IGFBP7: variants seen among roughly 807,000 people sequenced by gnomAD.
IGFBP7 encodes the protein insulin like growth factor binding protein 7.
In IGFBP7, 31 loss-of-function variants were observed where a neutral mutation model predicts 29.4. The observed-to-expected ratio is 1.05, with a 90% CI of 0.79 to 1.42. The LOEUF (loss-of-function observed/expected upper bound fraction) is 1.42. IGFBP7 is among the 40% of genes most tolerant of loss of function. The pLI is 0.00. For synonymous variants in IGFBP7, 172 were observed against 174.9 expected (o/e 0.98, Z 0.13); for missense variants, 393 against 395.5 (o/e 0.99, Z 0.05).
intron 1 of IGFBP7, among the ~76,000 whole-genome samples, chr4:57,089,704 A>G (rs1461290358): frequency 6.6e-6 from 1 of 152,166 alleles, no homozygotes; most frequent in Non-Finnish European, 1.5e-5. Flanking sequence ...ACTCAGCCCC[A>G]GTGTCCACCA....
chr4:57,074,297 G>A (rs370997639), intron 1 of IGFBP7, among the ~76,000 whole-genome samples: 15 of 152,328 alleles, frequency 9.8e-5, no homozygotes, highest in African/African-American at 3.6e-4. Context: ...CTGGCCTCAA[G>A]TGATCTGCTT....
chr4:57,031,101 G>A lies in IGFBP7; in HGVS notation c.*216C>T. On this transcript the variant is annotated 3_prime_UTR_variant, in exon 5 of 5. Transcript: ENST00000295666. Reference sequence around the variant, plus strand: ...TGTTGTGATAAAAAGTATTTTATTTGTTTAATGATATGCATGCTTTTCTTC... The same window carrying A: ...TGTTGTGATAAAAAGTATTTTATTTATTTAATGATATGCATGCTTTTCTTC... 2 of 762,438 alleles carry A rather than the reference G, an allele frequency of 2.6e-6. No individual in the cohort carries two copies. The highest frequency in any genetic ancestry group is 4.9e-5 in the Admixed American group (2 of 41,014). The allele number at this position is 762,438 out of a possible 1,614,324, so 47.2% of individuals were successfully genotyped here.
At chr4:57,083,316 G>T (rs1189618818) in intron 1 of IGFBP7, among the ~76,000 whole-genome samples, 1 of 152,228 alleles carries the variant, frequency 6.6e-6, no homozygotes, top group African/African-American at 2.4e-5. Context: ...AGCAGTGGGA[G>T]TGAGAAATTT....
intron 1 of IGFBP7, among the ~76,000 whole-genome samples, chr4:57,098,330 G>A (rs9992230): frequency 0.98 from 149,534 of 152,280 alleles, 73,471 homozygotes; most frequent in East Asian, 1. Flanking sequence ...TCAGACAAGA[G>A]AAAGGGGCAG....
chr4:57,059,460 T>G (rs1724745667), intron 1 of IGFBP7, among the ~76,000 whole-genome samples: 1 of 151,636 alleles, frequency 6.6e-6, no homozygotes. Flanking sequence ...ACGGAGGGAG[T>G]TGGAGGCCAT....
intron 1 of IGFBP7, among the ~76,000 whole-genome samples, chr4:57,070,219 T>C (rs1299277434): frequency 1.3e-5 from 2 of 152,200 alleles, no homozygotes; most frequent in Non-Finnish European, 2.9e-5. Flanking sequence ...ACCATATTTT[T>C]CCCTCAAAAT....
chr4:57,042,029 T>C (rs1724238030), intron 1 of IGFBP7, among the ~76,000 whole-genome samples: 1 of 152,160 alleles, frequency 6.6e-6, no homozygotes, highest in Non-Finnish European at 1.5e-5. Flanking sequence ...GCAGGAGGCA[T>C]TGGCAAGTGG....
intron 1 of IGFBP7, among the ~76,000 whole-genome samples, chr4:57,063,998 G>A (rs1724858371): frequency 6.6e-6 from 1 of 152,192 alleles, no homozygotes; most frequent in African/African-American, 2.4e-5. Flanking sequence ...GAGGTTAAGT[G>A]GTCAGATTTT....
intron 1 of IGFBP7, among the ~76,000 whole-genome samples, chr4:57,085,425 A>G (rs545553488): frequency 6.6e-6 from 1 of 152,014 alleles, no homozygotes; most frequent in South Asian, 2.1e-4. Context: ...GGGATTCTCT[A>G]TTGTTCTTAT....
At chr4:57,041,515 A>G (rs964314102) in intron 1 of IGFBP7, among the ~76,000 whole-genome samples, 4 of 151,958 alleles carry the variant, frequency 2.6e-5, no homozygotes, top group Non-Finnish European at 4.4e-5. Context: ...ATTGGAAGGG[A>G]CATCTTTATT....
chr4:57,030,850 G>A lies in IGFBP7; in HGVS notation c.*467C>T. The A allele has an allele frequency of 9.8e-7, 1 of 1,022,790 alleles. No homozygotes were observed. The highest frequency in any genetic ancestry group is 1.6e-6 in the Non-Finnish European group (1 of 641,398). The allele number at this position is 1,022,790 out of a possible 1,614,324, so 63.4% of individuals were successfully genotyped here. On this transcript the variant is annotated 3_prime_UTR_variant, in exon 5 of 5. Transcript: ENST00000295666. ...GTCTTTTTCTGGGGTAGAGAAGTGG[G>A]GTCACTTCAATACAATTCTGCTAAT...
chr4:57,100,219 C>T (rs1045523941), intron 1 of IGFBP7, among the ~76,000 whole-genome samples: 2 of 151,850 alleles, frequency 1.3e-5, no homozygotes, highest in African/African-American at 2.4e-5. Flanking sequence ...ACAGGTGCTT[C>T]CCACTGTGCC....
chr4:57,032,429 T>C lies in IGFBP7; in HGVS notation c.826A>G (p.Lys276Glu), dbSNP rs1723953907. 2 of 1,613,788 alleles carry C rather than the reference T, an allele frequency of 1.2e-6. No homozygotes were observed. Among genetic ancestry groups the C allele is most frequent in the Admixed American group, 1.7e-5 (1 of 59,996 alleles). The change falls in exon 4 of 5, where the codon AAA (lysine) becomes GAA (glutamate). Residue 276 changes from lysine (K) to glutamate (E), a missense_variant. Coordinates refer to ENST00000295666, the MANE Select transcript of IGFBP7 (RefSeq NM_001553.3). ...GGCTGTGAGATTTATTGTGTACCTT[T>C]TTTCACTGGTATTTCATGTAAGGCA... Reference protein sequence around the residue: ...VDALHEIPVKKGEGAEL With the variant: ...VDALHEIPVKEGEGAEL
Position 57,072,785 on chromosome 4 carries a change from A to ACCAT in IGFBP7, c.476-31856_476-31853dup, listed in dbSNP as rs1416318808. ...AGGCAACCTTTTCAAATGGGTGGGGACCATCCATTGAGCAGCTGGCACAGC... is the reference window on the plus strand; with the variant it reads ...AGGCAACCTTTTCAAATGGGTGGGGACCATCCATCCATTGAGCAGCTGGCACAGC... On this transcript the variant is annotated intron_variant, in intron 1 of 4. Transcript: ENST00000295666. 5.6e-6 allele frequency: 3 copies of ACCAT among 538,664 alleles called. No homozygotes were observed. In the East Asian group the frequency reaches 1.4e-4, roughly 26 times the overall value. 33.4% of individuals were successfully genotyped at this position (538,664 alleles called of 1,614,324 possible). A position where few individuals can be genotyped will look rare whatever the true frequency, so the allele number is the denominator to read the frequency against.
chr4:57,073,011 GCA>G (rs1360801591), intron 1 of IGFBP7: 31 of 1,049,606 alleles, frequency 3.0e-5, no homozygotes, highest in Non-Finnish European at 4.4e-5. Context: ...AGCCTTCGAG[GCA>G]AACCCAACAT....
At chr4:57,059,562 A>G (rs78448575) in intron 1 of IGFBP7, among the ~76,000 whole-genome samples, 1 of 152,118 alleles carries the variant, frequency 6.6e-6, no homozygotes, top group East Asian at 1.9e-4. Context: ...TCATGAACGC[A>G]AAGAGGGGAA....
At chr4:57,077,768 A>G (rs1725262536) in intron 1 of IGFBP7, among the ~76,000 whole-genome samples, 1 of 152,192 alleles carries the variant, frequency 6.6e-6, no homozygotes, top group South Asian at 2.1e-4. Context: ...GAATCTCTGC[A>G]TTCACACAGG....
chr4:57,062,936 C>A (rs1352889139), intron 1 of IGFBP7, among the ~76,000 whole-genome samples: 3 of 152,160 alleles, frequency 2.0e-5, no homozygotes, highest in Non-Finnish European at 4.4e-5. Flanking sequence ...TGAATGAATA[C>A]ATTTACTAAA....
intron 1 of IGFBP7, among the ~76,000 whole-genome samples, chr4:57,055,387 G>A (rs183000015): frequency 2.2e-3 from 335 of 152,288 alleles, no homozygotes; most frequent in Non-Finnish European, 3.9e-3. Flanking sequence ...TTAAAACATT[G>A]TTTTTGAGTA....
Sources: allele counts gnomAD v4.1 joint callset (sites outside exome capture counted in the v4.1 genomes callset), GRCh38; gene constraint gnomAD v4.1.1; transcripts MANE v1.5; gene names NCBI Gene and HGNC (gene_info 2026-07-23, HGNC 2026-07-21).